The following SORCS3 variants were observed in gnomAD, a reference collection of about 807,000 sequenced individuals.
SORCS3 encodes the protein VPS10 domain-containing receptor SorCS3.
SORCS3 carries 57 observed loss-of-function variants against 146.3 expected under a neutral mutation model. The ratio of observed to expected loss-of-function variants is 0.39; its 90% confidence interval spans 0.31 to 0.49. The LOEUF (loss-of-function observed/expected upper bound fraction) is 0.49, where lower values mean the gene tolerates loss of function less well. SORCS3 is among the 20% of genes least tolerant of loss of function. The pLI, the probability that SORCS3 is intolerant of heterozygous loss-of-function variation, is 0.92. For synonymous variants in SORCS3, 653 were observed against 618.5 expected (o/e 1.06, Z -0.83); for missense variants, 1,341 against 1,575.5 (o/e 0.85, Z 2.52).
At chr10:104,835,046 T>A (rs943210117) in intron 1 of SORCS3, among the ~76,000 whole-genome samples, 61 of 152,284 alleles carry the variant, frequency 4.0e-4, no homozygotes, top group African/African-American at 1.5e-3. Flanking sequence ...CTATTAATAA[T>A]TCCTTGTCTT....
intron 1 of SORCS3, among the ~76,000 whole-genome samples, chr10:104,823,567 A>G (rs1433801678): frequency 1.3e-5 from 2 of 151,928 alleles, no homozygotes; most frequent in East Asian, 1.9e-4. Flanking sequence ...TCTGCTTTTC[A>G]TCTTCACTGA....
chr10:105,227,971 A>G (rs973802326), intron 20 of SORCS3, among the ~76,000 whole-genome samples: 16 of 144,430 alleles, frequency 1.1e-4, no homozygotes, highest in African/African-American at 4.2e-4. Flanking sequence ...TGTAGGCAGC[A>G]TATTGTGGTC....
intron 2 of SORCS3, among the ~76,000 whole-genome samples, chr10:104,853,752 G>T (rs1470268058): frequency 1.3e-5 from 2 of 152,172 alleles, no homozygotes; most frequent in Admixed American, 1.3e-4. Flanking sequence ...ACATGGTTCT[G>T]GGAATACCAG....
intron 2 of SORCS3, among the ~76,000 whole-genome samples, chr10:104,864,874 T>A (rs1410245127): frequency 1.3e-5 from 2 of 152,124 alleles, no homozygotes; most frequent in Non-Finnish European, 2.9e-5. Flanking sequence ...TTCTCATTCT[T>A]CTCCCTACCT....
At chr10:104,654,519 T>A (rs2133242005) in intron 1 of SORCS3, among the ~76,000 whole-genome samples, 1 of 152,306 alleles carries the variant, frequency 6.6e-6, no homozygotes, top group Non-Finnish European at 1.5e-5. Context: ...AGATGATATG[T>A]TATTGTAGTT....
chr10:105,105,730 C>A (rs2055816257), intron 7 of SORCS3, among the ~76,000 whole-genome samples: 1 of 152,112 alleles, frequency 6.6e-6, no homozygotes, highest in Admixed American at 6.5e-5. Context: ...CATTTTATAG[C>A]ACAGGAGCTG....
intron 9 of SORCS3, 114 bp downstream of exon 9, chr10:105,147,910 A>G: frequency 1.2e-6 from 1 of 856,720 alleles, no homozygotes; most frequent in Non-Finnish European, 1.8e-6. Flanking sequence ...ACCACTTAGC[A>G]ATTGTATGAC....
chr10:104,979,996 T>G (rs906336697), intron 4 of SORCS3, among the ~76,000 whole-genome samples: 1 of 152,212 alleles, frequency 6.6e-6, no homozygotes, highest in Non-Finnish European at 1.5e-5. Context: ...ATAAACCAAA[T>G]GCAATATGTC....
chr10:105,193,166 T>C (rs1446139216), intron 14 of SORCS3, among the ~76,000 whole-genome samples: 1 of 152,070 alleles, frequency 6.6e-6, no homozygotes, highest in African/African-American at 2.4e-5. Flanking sequence ...AGGAGGTGGG[T>C]TATTTAGGGT....
chr10:105,231,765 A>G (rs1304217626), intron 20 of SORCS3, among the ~76,000 whole-genome samples: 2 of 152,142 alleles, frequency 1.3e-5, no homozygotes, highest in East Asian at 1.9e-4. Flanking sequence ...ATAGGTTAAT[A>G]TGATCATGTT....
chr10:104,979,166 A>G (rs2054918857), intron 4 of SORCS3, among the ~76,000 whole-genome samples: 1 of 151,988 alleles, frequency 6.6e-6, no homozygotes, highest in African/African-American at 2.4e-5. Context: ...TTTTGTGTTG[A>G]TTTTTGGGGT....
At chr10:105,163,812 C>G (rs1381090098) in intron 11 of SORCS3, among the ~76,000 whole-genome samples, 1 of 151,904 alleles carries the variant, frequency 6.6e-6, no homozygotes, top group Non-Finnish European at 1.5e-5. Flanking sequence ...CATTGGGTCA[C>G]TCAACTGCCT....
At chr10:104,712,415 G>C (rs1394234844) in intron 1 of SORCS3, among the ~76,000 whole-genome samples, 1 of 152,164 alleles carries the variant, frequency 6.6e-6, no homozygotes, top group Admixed American at 6.5e-5. Flanking sequence ...AGACAAGCTT[G>C]AGTGAAATCA....
intron 9 of SORCS3, among the ~76,000 whole-genome samples, chr10:105,150,944 G>A (rs2056163848): frequency 6.6e-6 from 1 of 152,154 alleles, no homozygotes. Context: ...GTGCCCTTGA[G>A]TAATGCAACT....
chr10:105,135,277 C>A (rs754853000), intron 7 of SORCS3, among the ~76,000 whole-genome samples: 3 of 152,076 alleles, frequency 2.0e-5, no homozygotes, highest in Non-Finnish European at 4.4e-5. Flanking sequence ...CGATCAGAGA[C>A]TTGAGGTAGT....
At chr10:105,077,764 T>C (rs1205080598) in intron 5 of SORCS3, among the ~76,000 whole-genome samples, 2 of 152,180 alleles carry the variant, frequency 1.3e-5, no homozygotes, top group Non-Finnish European at 2.9e-5. Context: ...TCCTAATGTC[T>C]GGGAAAAGAA....
chr10:104,952,254 T>TGAA (rs2019439409), intron 3 of SORCS3, among the ~76,000 whole-genome samples: 1 of 38,222 alleles, frequency 2.6e-5, no homozygotes, highest in Admixed American at 5.1e-4. Context: ...CATGAATGTT[T>TGAA]GAAAAAAAAA....
intron 3 of SORCS3, among the ~76,000 whole-genome samples, chr10:104,974,522 G>A (rs776736719): frequency 2.6e-5 from 4 of 152,038 alleles, no homozygotes; most frequent in Non-Finnish European, 4.4e-5. Flanking sequence ...TGCAACCCCT[G>A]CCTTTTTTTG....
At chr10:104,959,882 T>C (rs1418252416) in intron 3 of SORCS3, among the ~76,000 whole-genome samples, 1 of 152,200 alleles carries the variant, frequency 6.6e-6, no homozygotes, top group Admixed American at 6.5e-5. Flanking sequence ...ATGTCTCTCC[T>C]CTGGGTGAAC....
Sources: allele counts gnomAD v4.1 joint callset (sites outside exome capture counted in the v4.1 genomes callset), GRCh38; gene constraint gnomAD v4.1.1; transcripts MANE v1.5; gene names NCBI Gene and HGNC (gene_info 2026-07-23, HGNC 2026-07-21).